PTPRN2: variants seen among roughly 807,000 people sequenced by gnomAD.
The protein encoded by PTPRN2 is receptor-type tyrosine-protein phosphatase N2.
PTPRN2 carries 74 observed loss-of-function variants against 118.8 expected under a neutral mutation model. That is an observed-to-expected ratio of 0.62 (90% CI 0.52 to 0.76). The LOEUF is 0.76. PTPRN2 is among the 30% of genes least tolerant of loss of function. The pLI, the probability that PTPRN2 is intolerant of heterozygous loss-of-function variation, is 0.00. For missense variants in PTPRN2, 1,481 were observed against 1,394.4 expected (o/e 1.06, Z -0.99); for synonymous variants, 641 against 608.0 (o/e 1.05, Z -0.80).
At chr7:158,145,397 C>T (rs1204974407) in intron 6 of PTPRN2, among the ~76,000 whole-genome samples, 1 of 152,216 alleles carries the variant, frequency 6.6e-6, no homozygotes, top group Non-Finnish European at 1.5e-5. Context: ...CGGCAGTGCC[C>T]GGTACAGCGT....
intron 5 of PTPRN2, among the ~76,000 whole-genome samples, chr7:158,167,932 C>T (rs547412551): frequency 6.6e-6 from 1 of 152,346 alleles, no homozygotes; most frequent in Admixed American, 6.5e-5. Flanking sequence ...CTTTTTTCTA[C>T]CTTTTGGCTA....
intron 2 of PTPRN2, among the ~76,000 whole-genome samples, chr7:158,331,221 A>C (rs1447496826): frequency 1.4e-4 from 21 of 146,862 alleles, no homozygotes; most frequent in Non-Finnish European, 3.0e-4. Context: ...TCTCACCATA[A>C]GAGCTGACGC....
intron 2 of PTPRN2, among the ~76,000 whole-genome samples, chr7:158,373,713 T>C (rs1329118567): frequency 6.6e-6 from 1 of 152,152 alleles, no homozygotes; most frequent in Non-Finnish European, 1.5e-5. Flanking sequence ...CGGATGAAAG[T>C]TGAAGAAGGA....
chr7:157,962,912 G>C (rs1458042700), intron 11 of PTPRN2, among the ~76,000 whole-genome samples: 1 of 152,210 alleles, frequency 6.6e-6, no homozygotes, highest in Non-Finnish European at 1.5e-5. Context: ...GGTAGTCTTT[G>C]AGCCCTGAAA....
At chr7:157,969,346 G>C (rs547856865) in intron 11 of PTPRN2, among the ~76,000 whole-genome samples, 143 of 152,240 alleles carry the variant, frequency 9.4e-4, no homozygotes, top group African/African-American at 3.2e-3. Flanking sequence ...CTAAGCTCAA[G>C]TGATCCACCC....
intron 12 of PTPRN2, among the ~76,000 whole-genome samples, chr7:157,895,780 G>A (rs1397746913): frequency 1.3e-5 from 2 of 152,106 alleles, no homozygotes; most frequent in African/African-American, 4.8e-5. Context: ...GAGGCGTCAG[G>A]ACCGTGATGG....
intron 11 of PTPRN2, among the ~76,000 whole-genome samples, chr7:158,039,639 A>G (rs558521896): frequency 6.6e-6 from 1 of 152,362 alleles, no homozygotes; most frequent in East Asian, 1.9e-4. Flanking sequence ...AGCCTAACTC[A>G]CAGCCAGGTA....
chr7:157,885,865 T>C lies in PTPRN2; in HGVS notation c.1788+12808A>G, dbSNP rs77877634. 0.021 allele frequency among the ~76,000 whole-genome samples: 3,210 copies of C among 152,244 alleles called. 172 individuals carry two copies. In the East Asian group the frequency reaches 0.22, roughly 11 times the overall value. ...CCATGTCACTTCTCCTGCCTCAGTC[T>C]CCCCTCTGTGAAATGTTGCCTCCTG... On this transcript the variant is annotated intron_variant, in intron 12 of 22. Coordinates refer to ENST00000389418, the MANE Select transcript of PTPRN2 (RefSeq NM_002847.5).
intron 14 of PTPRN2, among the ~76,000 whole-genome samples, chr7:157,630,910 T>C (rs1431348750): frequency 2.6e-5 from 4 of 152,228 alleles, no homozygotes; most frequent in Admixed American, 6.5e-5. Flanking sequence ...GTAAGTCATA[T>C]GCTTCCCTTA....
In PTPRN2 at chr7:158,052,073, C is replaced by T. The variant is rs115849579; in HGVS notation, c.1723+29225G>A. On this transcript the variant is annotated intron_variant, in intron 11 of 22. Coordinates refer to ENST00000389418, the MANE Select transcript of PTPRN2 (RefSeq NM_002847.5). The stretch of plus-strand genomic sequence containing the variant: ...TGCCACATCCAATTAGCTCACCAGG[C>T]GATGGAAATTGCGCCTCTGATCCAG... Among the ~76,000 whole-genome samples the T allele has an allele frequency of 7.4e-3, 1,134 of 152,232 alleles. 10 individuals carry two copies. Among genetic ancestry groups the T allele is most frequent in the African/African-American group, 0.026 (1,071 of 41,522 alleles).
chr7:157,591,090 A>C lies in PTPRN2; in HGVS notation c.2496+4148T>G, dbSNP rs1165122749. On this transcript the variant is annotated intron_variant, in intron 17 of 22. Coordinates refer to ENST00000389418, the MANE Select transcript of PTPRN2 (RefSeq NM_002847.5). This position sits in a 1 kb window ranked among gnomAD's most constrained non-coding sequence, Gnocchi z 4.4. ...ATGAGCTCTCAGTCCAATGACTGAC[A>C]TCCTTAGAAGAGGAGGGAAATTTGG... Among the ~76,000 whole-genome samples, 5 of 152,174 alleles carry C rather than the reference A, an allele frequency of 3.3e-5. No individual in the cohort carries two copies. The highest frequency in any genetic ancestry group is 3.3e-4 in the Admixed American group (5 of 15,278).
chr7:158,533,699 CG>C (rs1272100756), intron 1 of PTPRN2, among the ~76,000 whole-genome samples: 2 of 152,216 alleles, frequency 1.3e-5, no homozygotes, highest in African/African-American at 4.8e-5. Flanking sequence ...TTCCATCAAT[CG>C]ATGAAGCTCT....
intron 3 of PTPRN2, among the ~76,000 whole-genome samples, chr7:158,274,508 A>AGGCACAGGGGGAGCTG (rs1563074906): frequency 5.1e-5 from 7 of 136,152 alleles, no homozygotes; most frequent in African/African-American, 2.0e-4. Flanking sequence ...AGGGGGAGCC[A>AGGCACAGGGGGAGCTG]CAGGCACGGG....
rs549361913 is a variant in PTPRN2 at position 157,786,165 on chromosome 7, C to A, written c.1789-103228G>T. 1.1e-3 allele frequency among the ~76,000 whole-genome samples: 171 copies of A among 152,324 alleles called. 1 individual carries two copies. The highest frequency in any genetic ancestry group is 4.1e-3 in the African/African-American group (170 of 41,576). On this transcript the variant is annotated intron_variant, in intron 12 of 22. Coordinates refer to ENST00000389418, the MANE Select transcript of PTPRN2 (RefSeq NM_002847.5). Reference sequence around the variant, plus strand: ...TCGGGCCAGCCCTGCGTGGGGTTCTCCCTGCTCACACAAACCACACGGGGA... The same window carrying A: ...TCGGGCCAGCCCTGCGTGGGGTTCTACCTGCTCACACAAACCACACGGGGA...
At chr7:157,553,531 G>T (rs890885369) in intron 21 of PTPRN2, among the ~76,000 whole-genome samples, 1 of 152,184 alleles carries the variant, frequency 6.6e-6, no homozygotes, top group African/African-American at 2.4e-5. Context: ...TCATGACATC[G>T]TGGCTCCCTC....
rs1335567410 is a variant in PTPRN2 at position 157,808,184 on chromosome 7, G to A, written c.1788+90489C>T. ...CTGGGGTGCACAGCAGGAGGTGAGT[G>A]GTGGGTGAGTGAGCTGTTGAGTGGC... On this transcript the variant is annotated intron_variant, in intron 12 of 22. Transcript: ENST00000389418. This position sits in a 1 kb window ranked among gnomAD's most constrained non-coding sequence, Gnocchi z 5.0. Among the ~76,000 whole-genome samples the A allele has an allele frequency of 6.6e-6, 1 of 152,084 alleles. No individual in the cohort carries two copies. Among genetic ancestry groups the A allele is most frequent in the African/African-American group, 2.4e-5 (1 of 41,408 alleles).
At chr7:158,505,738 T>G in intron 1 of PTPRN2, among the ~76,000 whole-genome samples, 1 of 141,714 alleles carries the variant, frequency 7.1e-6, no homozygotes, top group Non-Finnish European at 1.6e-5. Context: ...GGGGGTGGGG[T>G]GACCTGAGCA....
At chr7:158,162,116 G>A (rs532108187) in intron 6 of PTPRN2, among the ~76,000 whole-genome samples, 1 of 152,330 alleles carries the variant, frequency 6.6e-6, no homozygotes, top group South Asian at 2.1e-4. Flanking sequence ...AGCAACAGCA[G>A]CTCATTCACC....
At chr7:158,325,482 T>C (rs946790459) in intron 2 of PTPRN2, among the ~76,000 whole-genome samples, 2 of 152,260 alleles carry the variant, frequency 1.3e-5, no homozygotes, top group Non-Finnish European at 2.9e-5. Flanking sequence ...GCTTAGGGCA[T>C]TGTTTGAAAT....
Sources: allele counts gnomAD v4.1 joint callset (sites outside exome capture counted in the v4.1 genomes callset), GRCh38; gene constraint gnomAD v4.1.1; non-coding constraint Gnocchi (gnomAD v3.1); transcripts MANE v1.5; gene names NCBI Gene and HGNC (gene_info 2026-07-23, HGNC 2026-07-21).